Variants in DPP6 observed in about 807,000 individuals in gnomAD.
DPP6 encodes dipeptidyl peptidase like 6.
DPP6 carries 69 observed loss-of-function variants against 122.6 expected under a neutral mutation model. The ratio of observed to expected loss-of-function variants is 0.56; its 90% CI spans 0.46 to 0.69. DPP6 has a LOEUF of 0.69. DPP6 is among the 30% of genes least tolerant of loss of function. The pLI, the probability that DPP6 is intolerant of heterozygous loss-of-function variation, is 0.00. For missense variants in DPP6, 928 were observed against 1,116.9 expected (o/e 0.83, Z 2.41); for synonymous variants, 418 against 433.1 (o/e 0.97, Z 0.43).
In DPP6 at chr7:154,609,075, C is replaced by T. The variant is rs115379504; in HGVS notation, c.628-28746C>T. ...CTAGGCCTGTATTCAGACCTGCTGC[C>T]CCACTAGCTGCCCAGACTTTCGCCA... On this transcript the variant is annotated intron_variant, in intron 5 of 25. Coordinates refer to ENST00000377770, the MANE Select transcript of DPP6 (RefSeq NM_130797.4). Among the ~76,000 whole-genome samples, 490 of 152,332 alleles carry T rather than the reference C, an allele frequency of 3.2e-3. 5 individuals carry two copies. The highest frequency in any genetic ancestry group is 0.011 in the African/African-American group (470 of 41,574).
At chr7:154,022,808 G>T (rs1479983881) in intron 1 of DPP6, among the ~76,000 whole-genome samples, 1 of 152,232 alleles carries the variant, frequency 6.6e-6, no homozygotes, top group Non-Finnish European at 1.5e-5. Context: ...GCAATTGAAA[G>T]AAATCTTAGT....
chr7:154,709,502 G>A (rs1287559535), intron 7 of DPP6, among the ~76,000 whole-genome samples: 1 of 151,988 alleles, frequency 6.6e-6, no homozygotes, highest in Non-Finnish European at 1.5e-5. Context: ...TTACAGGCAG[G>A]AGCCACCATG....
At chr7:154,718,870 C>T (rs1484895290) in intron 7 of DPP6, among the ~76,000 whole-genome samples, 2 of 152,018 alleles carry the variant, frequency 1.3e-5, no homozygotes, top group African/African-American at 2.4e-5. Flanking sequence ...AAACTTCTGA[C>T]CTCAGGTGAT....
At chr7:154,739,333 G>C (rs931815032) in intron 8 of DPP6, among the ~76,000 whole-genome samples, 1 of 152,186 alleles carries the variant, frequency 6.6e-6, no homozygotes, top group Non-Finnish European at 1.5e-5. Flanking sequence ...GAATTGTCTA[G>C]AGGGATGTTG....
At chr7:153,875,308 A>G in the DPP6 span, among the ~76,000 whole-genome samples, 1 of 152,168 alleles carries the variant, frequency 6.6e-6, no homozygotes, top group Non-Finnish European at 1.5e-5. Context: ...TTTTTTGAAA[A>G]ACAAAAACCT....
At chr7:154,261,714 C>T (rs115494991) in intron 1 of DPP6, among the ~76,000 whole-genome samples, 13,109 of 151,950 alleles carry the variant, frequency 0.086, 593 homozygotes, top group Middle Eastern at 0.13. Flanking sequence ...ACAATCCCAT[C>T]GAAAAGTGAG....
intron 3 of DPP6, among the ~76,000 whole-genome samples, chr7:154,485,374 T>C (rs1258203247): frequency 6.6e-6 from 1 of 152,200 alleles, no homozygotes; most frequent in African/African-American, 2.4e-5. Context: ...TTTCTCTCTT[T>C]TGTTGTCATG....
intron 5 of DPP6, among the ~76,000 whole-genome samples, chr7:154,585,661 G>C (rs992493426): frequency 7.9e-5 from 12 of 152,208 alleles, no homozygotes; most frequent in Non-Finnish European, 1.6e-4. Context: ...GTTACTTGTA[G>C]AATCAAATAC....
chr7:153,962,604 A>G (rs1185342582), intron 1 of DPP6, among the ~76,000 whole-genome samples: 5 of 152,190 alleles, frequency 3.3e-5, no homozygotes, highest in Non-Finnish European at 5.9e-5. Flanking sequence ...ACTTCCTAAC[A>G]AACGTTTCTA....
intron 1 of DPP6, among the ~76,000 whole-genome samples, chr7:154,405,114 A>G (rs1815969779): frequency 6.6e-6 from 1 of 152,004 alleles, no homozygotes; most frequent in Admixed American, 6.6e-5. Context: ...TTTTCATTTG[A>G]TTTTTCACCA....
chr7:153,788,836 A>T, the DPP6 span, among the ~76,000 whole-genome samples: 3 of 152,138 alleles, frequency 2.0e-5, no homozygotes, highest in East Asian at 5.8e-4. Flanking sequence ...ATGGTGGTAG[A>T]TGCCTGTAAT....
intron 7 of DPP6, among the ~76,000 whole-genome samples, chr7:154,681,495 G>C (rs765330196): frequency 7.2e-5 from 11 of 152,186 alleles, no homozygotes; most frequent in Non-Finnish European, 1.3e-4. Context: ...GATGGGGCGT[G>C]GAGCCGCACC....
chr7:154,281,167 C>A (rs1804485570), intron 1 of DPP6, among the ~76,000 whole-genome samples: 1 of 151,994 alleles, frequency 6.6e-6, no homozygotes, highest in Non-Finnish European at 1.5e-5. Flanking sequence ...CGTGCACCAC[C>A]ACGGCCAGCT....
chr7:154,239,934 G>C (rs575728532), intron 1 of DPP6, among the ~76,000 whole-genome samples: 1 of 137,154 alleles, frequency 7.3e-6, no homozygotes, highest in African/African-American at 2.7e-5. Context: ...GGAGGTTGCA[G>C]TAAGCCAAGA....
chr7:153,785,779 A>G, the DPP6 span, among the ~76,000 whole-genome samples: 1 of 152,072 alleles, frequency 6.6e-6, no homozygotes, highest in African/African-American at 2.4e-5. Flanking sequence ...CAGCCTCCCT[A>G]GTACCTGGGA....
chr7:154,364,851 C>A (rs1812022554), intron 1 of DPP6, among the ~76,000 whole-genome samples: 1 of 152,186 alleles, frequency 6.6e-6, no homozygotes, highest in African/African-American at 2.4e-5. Flanking sequence ...TAGTTGTCAA[C>A]TTCAGCTACA....
intron 4 of DPP6, among the ~76,000 whole-genome samples, chr7:154,558,769 A>G (rs776439888): frequency 3.4e-4 from 52 of 152,222 alleles, no homozygotes; most frequent in Non-Finnish European, 1.8e-4. Flanking sequence ...GAATCGCCCA[A>G]TGGTACATTT....
Position 154,769,401 on chromosome 7 carries a change from C to T in DPP6, c.884-16C>T, listed in dbSNP as rs747314726. On this transcript the variant is annotated splice_polypyrimidine_tract_variant and intron_variant, in intron 8 of 25. Transcript: ENST00000377770. ...ACTTGTTACTATTCACATTTCTCTA[C>T]TCTGTTTTCCCTTAGAGGAGATTTT... 2 of 1,613,188 alleles carry T rather than the reference C, an allele frequency of 1.2e-6. No individual in the cohort carries two copies. Among genetic ancestry groups the T allele is most frequent in the Non-Finnish European group, 8.5e-7 (1 of 1,179,658 alleles).
chr7:154,887,866 C>A, intron 23 of DPP6, 132 bp downstream of exon 23: 2 of 1,045,434 alleles, frequency 1.9e-6, no homozygotes, highest in Non-Finnish European at 1.5e-6. Flanking sequence ...CACCAAAGCC[C>A]ACTCAGAAAC....
Sources: gnomAD v4.1 joint callset for allele counts (sites outside exome capture counted in the v4.1 genomes callset) on GRCh38, gnomAD v4.1.1 for gene constraint, MANE v1.5 for transcripts, NCBI Gene and HGNC (gene_info 2026-07-23, HGNC 2026-07-21) for gene names.